ARHGEF10L: variants seen among roughly 807,000 people sequenced by gnomAD.
ARHGEF10L encodes rho guanine nucleotide exchange factor 10-like protein.
A neutral mutation model predicts 141.2 loss-of-function variants in ARHGEF10L; 69 were observed. That is an observed-to-expected ratio of 0.49 (90% CI 0.40 to 0.60). The LOEUF is 0.60. Among genes scored for constraint, ARHGEF10L ranks in the 20% least tolerant of loss-of-function variants. ARHGEF10L has a pLI of 0.00. For missense variants in ARHGEF10L, 1,482 were observed against 1,734.3 expected, an observed-to-expected ratio of 0.85 and a Z score of 2.58; for synonymous variants, 711 against 718.5, an observed-to-expected ratio of 0.99 and a Z score of 0.17.
chr1:17,515,734 C>A, the ARHGEF10L span, among the ~76,000 whole-genome samples: 40 of 152,038 alleles, frequency 2.6e-4, no homozygotes, highest in African/African-American at 9.2e-4. Context: ...CCTATGCCTC[C>A]TGGGCTCAAG....
chr1:17,668,074 T>A (rs2063093493), intron 26 of ARHGEF10L, among the ~76,000 whole-genome samples: 1 of 152,146 alleles, frequency 6.6e-6, no homozygotes, highest in African/African-American at 2.4e-5. Flanking sequence ...CAGTGGGGAG[T>A]TAGCAGGAGG....
chr1:17,652,544 C>T (rs1571276709), intron 22 of ARHGEF10L, among the ~76,000 whole-genome samples: 1 of 152,154 alleles, frequency 6.6e-6, no homozygotes, highest in Non-Finnish European at 1.5e-5. Context: ...GAAACAGAAG[C>T]AAACACCTGA....
upstream of ARHGEF10L, among the ~76,000 whole-genome samples, chr1:17,537,688 A>G (rs2076594774): frequency 6.6e-6 from 1 of 152,018 alleles, no homozygotes; most frequent in African/African-American, 2.4e-5. Context: ...CCTGAGCTGG[A>G]GGCGTCAGAC....
At chr1:17,578,606 G>T (rs2078323817) in intron 1 of ARHGEF10L, among the ~76,000 whole-genome samples, 1 of 152,180 alleles carries the variant, frequency 6.6e-6, no homozygotes, top group African/African-American at 2.4e-5. Context: ...AGGATCACTT[G>T]ACCCAGGAGT....
chr1:17,632,556 T>C (rs900607383), intron 16 of ARHGEF10L, 90 bp downstream of exon 16: 2 of 1,535,172 alleles, frequency 1.3e-6, no homozygotes, highest in African/African-American at 1.4e-5. Flanking sequence ...CGCACTACAG[T>C]GGGACCCCAT....
chr1:17,588,853 T>TGTGTGTGA (rs2079262190), intron 4 of ARHGEF10L, among the ~76,000 whole-genome samples: 1 of 44,002 alleles, frequency 2.3e-5, no homozygotes, highest in Non-Finnish European at 4.4e-5. Context: ...GTCCCCAGTG[T>TGTGTGTGA]GTGTGTGTGT....
chr1:17,608,455 CTG>C (rs1570867741), intron 7 of ARHGEF10L, among the ~76,000 whole-genome samples: 2 of 152,344 alleles, frequency 1.3e-5, no homozygotes, highest in East Asian at 3.9e-4. Flanking sequence ...AGAGTGGGGG[CTG>C]CTGTGGCTAA....
rs1036789166 is a variant in ARHGEF10L at position 17,696,842 on chromosome 1, C to T, written c.3308-6C>T. 1 of 1,526,254 alleles carries T rather than the reference C, an allele frequency of 6.6e-7. No homozygotes were observed. The highest frequency in any genetic ancestry group is 8.8e-7 in the Non-Finnish European group (1 of 1,135,814). 94.5% of individuals were successfully genotyped at this position (1,526,254 alleles called of 1,614,324 possible). A position where few individuals can be genotyped will look rare whatever the true frequency, so the allele number is the denominator to read the frequency against. ...GCCCCTTTCTCTCTCGCCCCATTTT[C>T]TGCAGGGAAAGGCATGGTCTCACTC... is the stretch of plus-strand genomic sequence containing the variant. On this transcript the variant is annotated splice_polypyrimidine_tract_variant and splice_region_variant and intron_variant, in intron 28 of 28. Coordinates refer to ENST00000361221, the MANE Select transcript of ARHGEF10L (RefSeq NM_018125.4).
chr1:17,697,060 C>G lies in ARHGEF10L; in HGVS notation c.3520C>G (p.Gln1174Glu), dbSNP rs1466490575. Reference protein sequence around the residue: ...ELTRKKGILLQYRLRSTAHLP... With the variant: ...ELTRKKGILLEYRLRSTAHLP... ...GACCCGCAAGAAGGGCATCCTCTTGCAGTACCGCCTGCGCTCCACCGCACA... is the reference window on the plus strand; with the variant it reads ...GACCCGCAAGAAGGGCATCCTCTTGGAGTACCGCCTGCGCTCCACCGCACA... Residue 1174 changes from glutamine (Q) to glutamate (E), a missense_variant, in exon 29 of 29, where the codon CAG (glutamine) becomes GAG (glutamate). Coordinates refer to ENST00000361221, the MANE Select transcript of ARHGEF10L (RefSeq NM_018125.4). This position sits in a 1 kb window ranked among gnomAD's most constrained non-coding sequence, Gnocchi z 4.8. 1 of 1,604,232 alleles carries G rather than the reference C, an allele frequency of 6.2e-7. No individual in the cohort carries two copies. Among genetic ancestry groups the G allele is most frequent in the Admixed American group, 1.7e-5 (1 of 59,530 alleles).
At chr1:17,678,656 T>C (rs930099654) in intron 26 of ARHGEF10L, among the ~76,000 whole-genome samples, 36 of 152,296 alleles carry the variant, frequency 2.4e-4, no homozygotes, top group Middle Eastern at 6.8e-3. Context: ...TGACCTCAGG[T>C]GATCTGCCCA....
intron 12 of ARHGEF10L, among the ~76,000 whole-genome samples, chr1:17,624,021 G>A (rs569004225): frequency 4.5e-4 from 69 of 152,274 alleles, no homozygotes; most frequent in Middle Eastern, 3.4e-3. Flanking sequence ...AGGGGCATTC[G>A]ATTTCCTGAA....
intron 22 of ARHGEF10L, among the ~76,000 whole-genome samples, chr1:17,652,307 A>G (rs1174207955): frequency 1.3e-5 from 2 of 152,166 alleles, no homozygotes; most frequent in South Asian, 4.1e-4. Context: ...GGCCACACCA[A>G]GGCCTTCTGA....
intron 21 of ARHGEF10L, among the ~76,000 whole-genome samples, chr1:17,648,037 C>T (rs2061698365): frequency 6.6e-6 from 1 of 152,170 alleles, no homozygotes; most frequent in Non-Finnish European, 1.5e-5. Flanking sequence ...TGTGATTCTT[C>T]TGCATTTCCA....
At chr1:17,671,201 C>T (rs564209534) in intron 26 of ARHGEF10L, among the ~76,000 whole-genome samples, 4 of 152,344 alleles carry the variant, frequency 2.6e-5, no homozygotes, top group East Asian at 1.9e-4. Context: ...GCAGGGCGGT[C>T]GCAGGGCCCT....
chr1:17,601,009 C>G (rs565185508), intron 4 of ARHGEF10L, among the ~76,000 whole-genome samples: 9 of 148,290 alleles, frequency 6.1e-5, no homozygotes, highest in African/African-American at 2.0e-4. Flanking sequence ...GAGATCGCAC[C>G]ACCGCCCTGA....
chr1:17,601,049 C>CA (rs55806926), intron 4 of ARHGEF10L, among the ~76,000 whole-genome samples: 2,334 of 50,470 alleles, frequency 0.046, 35 homozygotes, highest in Non-Finnish European at 0.068. Flanking sequence ...GGCTCTGTCT[C>CA]AAAAAAAAAA....
At chr1:17,692,109 G>C (rs1341558028) in intron 27 of ARHGEF10L, among the ~76,000 whole-genome samples, 1 of 152,230 alleles carries the variant, frequency 6.6e-6, no homozygotes, top group East Asian at 1.9e-4. Flanking sequence ...CCTGACCCTG[G>C]ACCGGAGGCT....
At chr1:17,680,333 T>C (rs1252554630) in intron 26 of ARHGEF10L, among the ~76,000 whole-genome samples, 2 of 152,210 alleles carry the variant, frequency 1.3e-5, no homozygotes, top group African/African-American at 2.4e-5. Context: ...ATCTCAGCTC[T>C]AATGACTTTG....
intron 1 of ARHGEF10L, among the ~76,000 whole-genome samples, chr1:17,565,294 A>G (rs2077706362): frequency 6.6e-6 from 1 of 152,214 alleles, no homozygotes. Context: ...CCGCATAGGA[A>G]TTTTAGGGGG....
Sources: allele counts gnomAD v4.1 joint callset (sites outside exome capture counted in the v4.1 genomes callset), GRCh38; gene constraint gnomAD v4.1.1; non-coding constraint Gnocchi (gnomAD v3.1); transcripts MANE v1.5; gene names NCBI Gene and HGNC (gene_info 2026-07-23, HGNC 2026-07-21).